The following ZSWIM3 variants were observed in gnomAD, a reference collection of about 807,000 sequenced individuals.
The protein encoded by ZSWIM3 is zinc finger SWIM-type containing 3, also known as zinc finger SWIM domain-containing protein 3.
Under a neutral mutation model 47.5 loss-of-function variants are expected in ZSWIM3, and 27 were observed. The observed-to-expected ratio is 0.57, with a 90% CI of 0.42 to 0.78. The LOEUF (loss-of-function observed/expected upper bound fraction) is 0.78, where lower values mean the gene tolerates loss of function less well. Among genes scored for constraint, ZSWIM3 ranks in the 30% least tolerant of loss-of-function variants. ZSWIM3 has a pLI of 0.00. For missense variants in ZSWIM3, 689 were observed against 861.3 expected, an observed-to-expected ratio of 0.80 and a Z score of 2.50; for synonymous variants, 333 against 333.9, an observed-to-expected ratio of 1.00 and a Z score of 0.03.
At chr20:45,859,792 CAAAA>C (rs765560893) in intron 1 of ZSWIM3, among the ~76,000 whole-genome samples, 761 of 52,088 alleles carry the variant, frequency 0.015, 3 homozygotes, top group African/African-American at 0.045. Context: ...GAGAGGAATA[CAAAA>C]AAAAAAAAAA....
chr20:45,859,792 CAAAAAAAA>C (rs765560893), intron 1 of ZSWIM3, among the ~76,000 whole-genome samples: 44 of 52,096 alleles, frequency 8.4e-4, no homozygotes, highest in African/African-American at 1.5e-3. Context: ...GAGAGGAATA[CAAAAAAAA>C]AAAAAAAAAA....
At chr20:45,867,944 T>G (rs533030614) in intron 1 of ZSWIM3, among the ~76,000 whole-genome samples, 1 of 152,332 alleles carries the variant, frequency 6.6e-6, no homozygotes, top group African/African-American at 2.4e-5. Flanking sequence ...GTTTTCATTA[T>G]CCATGTATCC....
At chr20:45,868,151 T>A (rs1278148679) in intron 1 of ZSWIM3, among the ~76,000 whole-genome samples, 1 of 152,178 alleles carries the variant, frequency 6.6e-6, no homozygotes, top group Non-Finnish European at 1.5e-5. Context: ...TAAAACTGAC[T>A]GTAGACTGAA....
intron 1 of ZSWIM3, among the ~76,000 whole-genome samples, chr20:45,870,437 C>T (rs939741784): frequency 6.6e-6 from 1 of 152,080 alleles, no homozygotes; most frequent in Non-Finnish European, 1.5e-5. Context: ...AATACAATTA[C>T]CTTAATTGAC....
intron 1 of ZSWIM3, among the ~76,000 whole-genome samples, chr20:45,869,766 C>T (rs550862951): frequency 4.6e-5 from 7 of 152,032 alleles, no homozygotes; most frequent in South Asian, 2.1e-4. Context: ...CCTTTCTTGC[C>T]GGGCGTGGTG....
intron 1 of ZSWIM3, among the ~76,000 whole-genome samples, chr20:45,867,993 A>T (rs117673807): frequency 2.0e-5 from 3 of 152,218 alleles, no homozygotes; most frequent in Admixed American, 2.0e-4. Context: ...AAGTCATCAC[A>T]CAAGAATCTT....
At chr20:45,874,485 C>G (rs1986045957) in intron 1 of ZSWIM3, among the ~76,000 whole-genome samples, 1 of 152,306 alleles carries the variant, frequency 6.6e-6, no homozygotes, top group South Asian at 2.1e-4. Flanking sequence ...ACACTCCAGC[C>G]TGGGTGACAG....
At position 45,878,436 on chromosome 20, in the gene ZSWIM3, A is replaced by G. The variant is rs1156362345; in HGVS notation, c.1878A>G (p.Leu626=). Residue 626 remains leucine (L), a synonymous_variant, in exon 2 of 2, where the codon TTA becomes TTG. Transcript: ENST00000255152. ...NDMIQDLSRE[L]ANLLMQTEGP... is the part of the protein sequence containing the mutation. The stretch of plus-strand genomic sequence containing the variant: ...TGATTCAGGACCTAAGCAGGGAGTT[A>G]GCAAACCTGCTCATGCAGACCGAGG... The G allele has an allele frequency of 5.6e-6, 9 of 1,614,108 alleles. No homozygotes were observed. The highest frequency in any genetic ancestry group is 7.6e-6 in the Non-Finnish European group (9 of 1,180,040).
intron 1 of ZSWIM3, among the ~76,000 whole-genome samples, chr20:45,870,689 A>ATT (rs56367159): frequency 2.1e-5 from 3 of 144,266 alleles, no homozygotes; most frequent in Non-Finnish European, 3.1e-5. Flanking sequence ...AGTGGAATTT[A>ATT]TTTTTTTTTT....
At chr20:45,859,148 A>G (rs1985634413) in intron 1 of ZSWIM3, among the ~76,000 whole-genome samples, 2 of 152,150 alleles carry the variant, frequency 1.3e-5, no homozygotes, top group African/African-American at 4.8e-5. Flanking sequence ...GGATTTTCCC[A>G]TTTAAAAAAA....
intron 1 of ZSWIM3, among the ~76,000 whole-genome samples, chr20:45,858,729 C>T (rs529525850): frequency 6.6e-6 from 1 of 152,168 alleles, no homozygotes; most frequent in Non-Finnish European, 1.5e-5. Context: ...TTTTCAAACA[C>T]TTTCCATGTG....
At chr20:45,860,808 T>C (rs1010022739) in intron 1 of ZSWIM3, among the ~76,000 whole-genome samples, 1 of 152,226 alleles carries the variant, frequency 6.6e-6, no homozygotes, top group African/African-American at 2.4e-5. Flanking sequence ...TCTGCAACCT[T>C]AATTCTCCTT....
rs573326472 is a variant in ZSWIM3 at position 45,876,767 on chromosome 20, C to T, written c.209C>T (p.Thr70Met). The change falls in exon 2 of 2, where the codon ACG becomes ATG. Residue 70 changes from threonine (T) to methionine (M), a missense_variant. Transcript: ENST00000255152. Reference sequence around the variant, plus strand: ...CGGACCCAATCAAACAGGAAGAGAACGCGGGAGGCAGACATGTGCCCAGCG... The same window carrying T: ...CGGACCCAATCAAACAGGAAGAGAATGCGGGAGGCAGACATGTGCCCAGCG... ...CIRTQSNRKR[T>M]READMCPAYL... 383 of 1,614,016 alleles carry T rather than the reference C, an allele frequency of 2.4e-4. 3 individuals carry two copies. In the South Asian group the frequency reaches 3.8e-3, roughly 16 times the overall value.
rs1329438818 is a variant in ZSWIM3, at chr20:45,878,291, C to T, written c.1733C>T (p.Ala578Val). The stretch of plus-strand genomic sequence containing the variant: ...ACCAGCCAGCAGCCGGTTGGTGAAG[C>T]CATGGTGTGCCGCCGGTGGCAGAAG... ...LHTSQQPVGE[A>V]MVCRRWQKKY... Residue 578 changes from alanine to valine, a missense_variant, in exon 2 of 2, where the codon GCC (alanine) becomes GTC (valine). Transcript: ENST00000255152. The T allele has an allele frequency of 6.2e-7, 1 of 1,614,218 alleles. No individual in the cohort carries two copies. Among genetic ancestry groups the T allele is most frequent in the Admixed American group, 1.7e-5 (1 of 60,024 alleles).
intron 1 of ZSWIM3, among the ~76,000 whole-genome samples, chr20:45,858,772 G>A (rs1453526284): frequency 9.0e-6 from 1 of 111,008 alleles, no homozygotes; most frequent in African/African-American, 2.8e-5. Context: ...GCTTTACCCT[G>A]CAGGGCTTTT....
At chr20:45,875,129 G>A (rs1019036053) in intron 1 of ZSWIM3, among the ~76,000 whole-genome samples, 4 of 133,924 alleles carry the variant, frequency 3.0e-5, no homozygotes, top group Non-Finnish European at 4.6e-5. Flanking sequence ...AGCAAGCTCC[G>A]CCTCCCGGGT....
chr20:45,875,493 T>G (rs563806654), intron 1 of ZSWIM3, among the ~76,000 whole-genome samples: 1 of 138,156 alleles, frequency 7.2e-6, no homozygotes, highest in South Asian at 2.3e-4. Flanking sequence ...TTTTTTTTTT[T>G]GTTTGTTTGT....
At chr20:45,867,073 C>G (rs1187784860) in intron 1 of ZSWIM3, among the ~76,000 whole-genome samples, 5 of 138,418 alleles carry the variant, frequency 3.6e-5, no homozygotes. Context: ...GTGACGCTAT[C>G]TCTGCTCACT....
intron 1 of ZSWIM3, among the ~76,000 whole-genome samples, chr20:45,862,856 GAACTCCTA>G (rs1456200280): frequency 1.3e-5 from 2 of 152,034 alleles, no homozygotes; most frequent in Admixed American, 6.6e-5. Flanking sequence ...AACTGATATT[GAACTCCTA>G]GGCTCAAGTG....
Sources: gnomAD v4.1 joint callset for allele counts (sites outside exome capture counted in the v4.1 genomes callset) on GRCh38, gnomAD v4.1.1 for gene constraint, MANE v1.5 for transcripts, NCBI Gene and HGNC (gene_info 2026-07-23, HGNC 2026-07-21) for gene names.